The following RBFOX1 variants were observed in gnomAD, a reference collection of about 807,000 sequenced individuals.
The protein encoded by RBFOX1 is RNA binding protein fox-1 homolog 1.
In RBFOX1, 8 loss-of-function variants were observed where a neutral mutation model predicts 57.7. That is an observed-to-expected ratio of 0.14 (90% CI 0.08 to 0.25). The LOEUF (loss-of-function observed/expected upper bound fraction) is 0.25, where lower values mean the gene tolerates loss of function less well. RBFOX1 is among the 10% of genes least tolerant of loss of function. RBFOX1 has a pLI of 1.00. For synonymous variants in RBFOX1, 326 were observed against 222.4 expected (o/e 1.47, Z -4.15); for missense variants, 611 against 548.5 (o/e 1.11, Z -1.14).
At chr16:5,391,637 A>G (rs2066410420) in intron 1 of RBFOX1, among the ~76,000 whole-genome samples, 1 of 152,116 alleles carries the variant, frequency 6.6e-6, no homozygotes, top group South Asian at 2.1e-4. Context: ...TGTCTGTTCC[A>G]GGCTCTTTCT....
At chr16:7,638,467 G>T (rs1176533863) in intron 11 of RBFOX1, among the ~76,000 whole-genome samples, 2 of 152,270 alleles carry the variant, frequency 1.3e-5, no homozygotes, top group East Asian at 3.9e-4. Flanking sequence ...AAATGGCTGA[G>T]CAGGGAGTGG....
In RBFOX1 at chr16:6,733,857, T is replaced by A. The variant is rs61566693; in HGVS notation, c.-16+79207T>A. Among the ~76,000 whole-genome samples, 1,085 of 152,318 alleles carry A rather than the reference T, an allele frequency of 7.1e-3. 13 individuals carry two copies. Among genetic ancestry groups the A allele is most frequent in the African/African-American group, 0.024 (999 of 41,566 alleles). On this transcript the variant is annotated intron_variant, in intron 3 of 15. Transcript: ENST00000550418. ...CAGGAGCTCACTCCAGAGCTGACGT[T>A]CACCCAGAACGCAGGGCCAGTGTTG...
chr16:6,536,989 T>G (rs771631832), intron 2 of RBFOX1, among the ~76,000 whole-genome samples: 1 of 152,224 alleles, frequency 6.6e-6, no homozygotes, highest in Non-Finnish European at 1.5e-5. Context: ...CTATCCATTG[T>G]CTTTTCTGGG....
intron 1 of RBFOX1, among the ~76,000 whole-genome samples, chr16:6,250,914 C>T (rs1248334516): frequency 2.6e-5 from 4 of 152,116 alleles, no homozygotes; most frequent in South Asian, 2.1e-4. Context: ...TGAACCCTTC[C>T]ATTAGTGTAG....
chr16:6,597,603 G>A (rs1447529555), intron 2 of RBFOX1, among the ~76,000 whole-genome samples: 1 of 152,138 alleles, frequency 6.6e-6, no homozygotes, highest in Non-Finnish European at 1.5e-5. Flanking sequence ...AACCCGGGAG[G>A]TGGAAGATTG....
chr16:6,045,609 CA>C (rs1321231429), intron 1 of RBFOX1, among the ~76,000 whole-genome samples: 3 of 152,080 alleles, frequency 2.0e-5, no homozygotes, highest in African/African-American at 7.2e-5. Flanking sequence ...AAATCAATGA[CA>C]AAGATAAATG....
intron 2 of RBFOX1, among the ~76,000 whole-genome samples, chr16:6,592,206 T>C (rs1404671342): frequency 6.6e-6 from 1 of 152,204 alleles, no homozygotes; most frequent in Non-Finnish European, 1.5e-5. Context: ...TTTCAGAAAA[T>C]TGAAAGAATA....
At chr16:5,542,442 A>G (rs532142438) in intron 2 of RBFOX1, among the ~76,000 whole-genome samples, 40 of 149,020 alleles carry the variant, frequency 2.7e-4, no homozygotes, top group African/African-American at 9.9e-4. Context: ...TATTTTTAGT[A>G]GAGATGGGGT....
At chr16:5,647,076 C>T (rs1031155608) in intron 3 of RBFOX1, among the ~76,000 whole-genome samples, 1 of 152,162 alleles carries the variant, frequency 6.6e-6, no homozygotes, top group Admixed American at 6.5e-5. Flanking sequence ...TTCTAAGAAA[C>T]ACTTGATTGT....
chr16:5,368,786 A>C (rs1047764183), intron 1 of RBFOX1, among the ~76,000 whole-genome samples: 1 of 152,004 alleles, frequency 6.6e-6, no homozygotes, highest in Non-Finnish European at 1.5e-5. Flanking sequence ...CTTTAACTCC[A>C]ATCCAGGGTC....
At chr16:6,023,806 C>T (rs1163413976) in intron 1 of RBFOX1, among the ~76,000 whole-genome samples, 1 of 152,166 alleles carries the variant, frequency 6.6e-6, no homozygotes, top group African/African-American at 2.4e-5. Context: ...AGACCTCAAA[C>T]ACCGAGGCGA....
chr16:5,615,520 C>A (rs542347185), intron 3 of RBFOX1, among the ~76,000 whole-genome samples: 22 of 152,302 alleles, frequency 1.4e-4, no homozygotes, highest in African/African-American at 5.3e-4. Flanking sequence ...ACAGGAGGGA[C>A]ATTGGAGTGG....
intron 4 of RBFOX1, among the ~76,000 whole-genome samples, chr16:7,214,705 C>T (rs139685861): frequency 9.9e-4 from 150 of 152,148 alleles, no homozygotes; most frequent in African/African-American, 2.9e-3. Flanking sequence ...CACAGGCTAC[C>T]GTATACTGCG....
At chr16:6,988,613 C>G (rs569204766) in intron 3 of RBFOX1, among the ~76,000 whole-genome samples, 195 of 151,626 alleles carry the variant, frequency 1.3e-3, no homozygotes, top group African/African-American at 4.4e-3. Flanking sequence ...TGCTCTGTCC[C>G]CTAGGCTGGA....
chr16:6,640,592 A>G (rs2098479231), intron 2 of RBFOX1, among the ~76,000 whole-genome samples: 1 of 151,964 alleles, frequency 6.6e-6, no homozygotes, highest in East Asian at 1.9e-4. Context: ...TCAGCGACAG[A>G]GTAAGACTCC....
At chr16:5,511,003 C>T (rs575052355) in intron 2 of RBFOX1, among the ~76,000 whole-genome samples, 1 of 152,242 alleles carries the variant, frequency 6.6e-6, no homozygotes, top group African/African-American at 2.4e-5. Context: ...TACTGTTTTA[C>T]TTACGTCATT....
At chr16:6,271,620 C>T (rs1022583505) in intron 1 of RBFOX1, among the ~76,000 whole-genome samples, 1 of 152,134 alleles carries the variant, frequency 6.6e-6, no homozygotes, top group Non-Finnish European at 1.5e-5. Context: ...CAGGGAATAT[C>T]ACTACAGACT....
intron 4 of RBFOX1, among the ~76,000 whole-genome samples, chr16:7,177,268 C>T (rs1194954814): frequency 6.6e-6 from 1 of 152,054 alleles, no homozygotes; most frequent in Non-Finnish European, 1.5e-5. Context: ...ATGGATAAGA[C>T]CAAGTTCAAA....
At chr16:6,079,731 A>G (rs370567523) in intron 1 of RBFOX1, among the ~76,000 whole-genome samples, 27 of 152,148 alleles carry the variant, frequency 1.8e-4, no homozygotes, top group African/African-American at 6.5e-4. Context: ...AGCTACTCAG[A>G]AGGCTGAGAT....
Sources: gnomAD v4.1 joint callset for allele counts (sites outside exome capture counted in the v4.1 genomes callset) on GRCh38, gnomAD v4.1.1 for gene constraint, MANE v1.5 for transcripts, NCBI Gene and HGNC (gene_info 2026-07-23, HGNC 2026-07-21) for gene names.